Variants in ZC4H2 observed in about 807,000 individuals in gnomAD.
ZC4H2 encodes zinc finger C4H2-type containing, also known as zinc finger C4H2 domain-containing protein.
For missense variants in ZC4H2, 137 were observed against 173.9 expected, an observed-to-expected ratio of 0.79 and a Z score of 1.19; for synonymous variants, 84 against 66.3, an observed-to-expected ratio of 1.27 and a Z score of -1.30.
At chrX:64,927,070 T>C (rs757694336) in intron 1 of ZC4H2, among the ~76,000 whole-genome samples, 1 of 112,130 alleles carries the variant, frequency 8.9e-6, no homozygotes, top group African/African-American at 3.2e-5. Context: ...TTTTGTCACC[T>C]TGAAAGGGTC....
intron 1 of ZC4H2, among the ~76,000 whole-genome samples, chrX:64,934,830 A>G (rs189355574): frequency 1.8e-5 from 2 of 112,125 alleles, no homozygotes; most frequent in African/African-American, 6.5e-5. Context: ...CAGTCTTCAC[A>G]ACCCGCAGAC....
rs924663159 is a variant in ZC4H2, at chrX:64,945,774, T to G, written c.54-23786A>C. On this transcript the variant is annotated intron_variant, in intron 1 of 4. Coordinates refer to ENST00000374839, the MANE Select transcript of ZC4H2 (RefSeq NM_018684.4). ...TGCTGCCTTTTTTCCCGAGACGCCC[T>G]GCCCAGGGAGGAGGAATCTAGAGAG... 3.6e-5 allele frequency among the ~76,000 whole-genome samples: 4 copies of G among 111,232 alleles called. No homozygotes were observed. In the Admixed American group the frequency reaches 3.8e-4, roughly 11 times the overall value.
rs1472031574 is a variant in ZC4H2, at chrX:64,920,187, G to A, written c.292C>T (p.His98Tyr). The stretch of plus-strand genomic sequence containing the variant: ...TCTTTCAGTGGCTTATACTCATCAT[G>A]CAGCCTCCTTGTAGACTCTAGCAGC... The part of the protein sequence containing the change: ...NKLLESTRRL[H>Y]DEYKPLKEHV... The change falls in exon 3 of 5, where the codon CAT becomes TAT. Residue 98 changes from histidine to tyrosine, a missense_variant. Transcript: ENST00000374839. The A allele has an allele frequency of 2.1e-5, 26 of 1,209,619 alleles. No individual in the cohort carries two copies. The highest frequency in any genetic ancestry group is 2.7e-5 in the Non-Finnish European group (24 of 895,105).
chrX:65,009,100 G>A lies in ZC4H2; in HGVS notation c.-272+25529C>T, dbSNP rs1479914381. Among the ~76,000 whole-genome samples, 16 of 111,694 alleles carry A rather than the reference G, an allele frequency of 1.4e-4. No homozygotes were observed. In the Admixed American group the frequency reaches 1.5e-3, roughly 11 times the overall value. On this transcript the variant is annotated intron_variant, in intron 1 of 4. Coordinates refer to the ZC4H2 transcript ENST00000337990. ...CTCCATAAATATGTACAACTATTAT[G>A]TATCCATAATAATTTACAATATTTT...
chrX:65,030,659 G>A (rs1326424566), intron 1 of ZC4H2, among the ~76,000 whole-genome samples: 1 of 111,466 alleles, frequency 9.0e-6, no homozygotes, highest in African/African-American at 3.3e-5. Context: ...CTTTGACAAA[G>A]ACTCTCTGCT....
At chrX:64,932,265 G>C (rs1263616710) in intron 1 of ZC4H2, among the ~76,000 whole-genome samples, 2 of 111,063 alleles carry the variant, frequency 1.8e-5, no homozygotes, top group Non-Finnish European at 3.8e-5. Flanking sequence ...CATTAGGTGA[G>C]TCTCTTGAAA....
intron 1 of ZC4H2, among the ~76,000 whole-genome samples, chrX:64,970,142 C>T (rs1321861937): frequency 8.9e-6 from 1 of 112,228 alleles, no homozygotes; most frequent in Admixed American, 9.4e-5. Context: ...TTCCTGCTTA[C>T]TCCAGTCTGG....
intron 1 of ZC4H2, among the ~76,000 whole-genome samples, chrX:65,001,526 C>G (rs1358795500): frequency 1.8e-5 from 2 of 111,948 alleles, no homozygotes; most frequent in Non-Finnish European, 1.9e-5. Context: ...TATGAAGAAA[C>G]TGCATCAACT....
chrX:64,927,928 T>C (rs1255543855), intron 1 of ZC4H2, among the ~76,000 whole-genome samples: 1 of 112,560 alleles, frequency 8.9e-6, no homozygotes, highest in Non-Finnish European at 1.9e-5. Flanking sequence ...AGTGTCTTCT[T>C]TTGAGAAGTG....
At chrX:64,932,324 T>C (rs903705719) in intron 1 of ZC4H2, among the ~76,000 whole-genome samples, 3 of 111,641 alleles carry the variant, frequency 2.7e-5, no homozygotes, top group African/African-American at 9.8e-5. Flanking sequence ...TGCTATTATG[T>C]ATCTTTTAAG....
Position 64,921,938 on chromosome X carries a change from A to G in ZC4H2, c.104T>C (p.Phe35Ser). The G allele has an allele frequency of 8.3e-7, 1 of 1,211,040 alleles. No homozygotes were observed. Among genetic ancestry groups the G allele is most frequent in the Non-Finnish European group, 1.1e-6 (1 of 895,434 alleles). ...EKIKARLKAEFEALESEERHL... is the reference protein window; with the variant it reads ...EKIKARLKAESEALESEERHL... Reference sequence around the variant, plus strand: ...CCTTTCCTCTGACTCAAGTGCCTCAAACTCAGCCTTCAAACGAGCCTTGAT... The same window carrying G: ...CCTTTCCTCTGACTCAAGTGCCTCAGACTCAGCCTTCAAACGAGCCTTGAT... The change falls in exon 2 of 5, where the codon TTT becomes TCT. Residue 35 changes from phenylalanine to serine, a missense_variant. Phe to Ser is a radical substitution (Grantham distance 155). Transcript: ENST00000374839.
In ZC4H2 at chrX:64,952,995, C is replaced by T. The variant is rs1298153061; in HGVS notation, c.53+23330G>A. Among the ~76,000 whole-genome samples the T allele has an allele frequency of 7.2e-5, 8 of 111,467 alleles. No homozygotes were observed. The East Asian group carries it at 2.0e-3, about 27-fold the overall frequency. Reference sequence around the variant, plus strand: ...AGAGATATAGACCAATGGAACAGAACAGAACCCTCAGAAATAATGCCACAT... The same window carrying T: ...AGAGATATAGACCAATGGAACAGAATAGAACCCTCAGAAATAATGCCACAT... On this transcript the variant is annotated intron_variant, in intron 1 of 4. Transcript: ENST00000374839.
intron 1 of ZC4H2, among the ~76,000 whole-genome samples, chrX:64,924,232 C>A (rs925003476): frequency 8.9e-6 from 1 of 112,078 alleles, no homozygotes; most frequent in African/African-American, 3.2e-5. Context: ...ACTCAGACTT[C>A]AATTATAAAT....
chrX:65,018,686 C>T (rs997926805), intron 1 of ZC4H2, among the ~76,000 whole-genome samples: 1 of 110,040 alleles, frequency 9.1e-6, no homozygotes, highest in South Asian at 4.0e-4. Flanking sequence ...CGAGACAGAA[C>T]CGTTCACTCC....
chrX:64,970,046 G>C (rs923290776), intron 1 of ZC4H2, among the ~76,000 whole-genome samples: 1 of 111,444 alleles, frequency 9.0e-6, no homozygotes, highest in East Asian at 2.8e-4. Context: ...CCTAAGTGAT[G>C]GGCCACCAAA....
At chrX:64,975,593 C>T (rs1931921321) in intron 1 of ZC4H2, among the ~76,000 whole-genome samples, 1 of 111,172 alleles carries the variant, frequency 9.0e-6, no homozygotes, top group Non-Finnish European at 1.9e-5. Context: ...TGAGCAAGGA[C>T]AATATCATCG....
In ZC4H2 at chrX:65,030,279, A is replaced by G. The variant is rs749865327; in HGVS notation, c.-272+4350T>C. Among the ~76,000 whole-genome samples the G allele has an allele frequency of 5.4e-3, 595 of 109,739 alleles. 2 individuals are homozygous for G. The highest frequency in any genetic ancestry group is 9.3e-3 in the Middle Eastern group (2 of 215). On this transcript the variant is annotated intron_variant, in intron 1 of 4. Transcript: ENST00000337990. ...ACTACAGCCACATGCCACCACACCC[A>G]GCTAATTTTTGTATTTTTTTTTGTA...
intron 1 of ZC4H2, among the ~76,000 whole-genome samples, chrX:65,009,418 A>C (rs1179851444): frequency 9.0e-6 from 1 of 111,679 alleles, no homozygotes; most frequent in Non-Finnish European, 1.9e-5. Context: ...AGACTCTGCC[A>C]GTGCAACTGC....
intron 1 of ZC4H2, among the ~76,000 whole-genome samples, chrX:65,015,080 C>G (rs992931005): frequency 2.7e-5 from 3 of 110,957 alleles, no homozygotes; most frequent in Admixed American, 1.9e-4. Flanking sequence ...ATCTGTGTGG[C>G]CTTCCCCTGC....
Sources: allele counts gnomAD v4.1 joint callset (sites outside exome capture counted in the v4.1 genomes callset), GRCh38; gene constraint gnomAD v4.1.1; transcripts MANE v1.5; gene names NCBI Gene and HGNC (gene_info 2026-07-23, HGNC 2026-07-21).